DPP6: variants seen among roughly 807,000 people sequenced by gnomAD.
DPP6 encodes dipeptidyl peptidase like 6.
A neutral mutation model predicts 122.6 loss-of-function variants in DPP6; 69 were observed. That is an observed-to-expected ratio of 0.56 (90% CI 0.46 to 0.69). The LOEUF is 0.69. DPP6 is among the 30% of genes least tolerant of loss of function. The pLI is 0.00. For missense variants in DPP6, 928 were observed against 1,116.9 expected (o/e 0.83, Z 2.41); for synonymous variants, 418 against 433.1 (o/e 0.97, Z 0.43).
At chr7:153,818,849 G>T in the DPP6 span, among the ~76,000 whole-genome samples, 3 of 151,634 alleles carry the variant, frequency 2.0e-5, no homozygotes, top group African/African-American at 2.4e-5. Flanking sequence ...CCTCCCGGGT[G>T]CAAGCGATTC....
intron 1 of DPP6, among the ~76,000 whole-genome samples, chr7:154,110,526 C>G (rs1806498725): frequency 6.6e-6 from 1 of 152,184 alleles, no homozygotes; most frequent in Non-Finnish European, 1.5e-5. Context: ...GAGAAAAACA[C>G]AGACACATCA....
chr7:153,783,806 A>C, the DPP6 span, among the ~76,000 whole-genome samples: 1 of 152,220 alleles, frequency 6.6e-6, no homozygotes, highest in Non-Finnish European at 1.5e-5. Context: ...ATAAGCACCA[A>C]GAGAAGTGGA....
intron 1 of DPP6, among the ~76,000 whole-genome samples, chr7:153,975,583 A>G (rs1485428390): frequency 6.8e-6 from 1 of 146,768 alleles, no homozygotes; most frequent in Non-Finnish European, 1.5e-5. Context: ...TGAGAGTTCT[A>G]TTTTTTTTTT....
chr7:154,789,805 T>C lies in DPP6; in HGVS notation c.1137-4274T>C, dbSNP rs188065249. On this transcript the variant is annotated intron_variant, in intron 10 of 25. Transcript: ENST00000377770. ...AAGCGTCGCTGCCTCGCAAGGTGCC[T>C]ACCTTGTCCCCAGAAAGCTGCTAGA... Among the ~76,000 whole-genome samples the C allele has an allele frequency of 2.5e-3, 379 of 152,358 alleles. 3 individuals are homozygous for C. The highest frequency in any genetic ancestry group is 8.8e-3 in the African/African-American group (365 of 41,588).
rs146906146 is a variant in DPP6, at chr7:154,456,305, C to G, written c.358+9977C>G. 2.5e-3 allele frequency among the ~76,000 whole-genome samples: 385 copies of G among 152,276 alleles called. 4 individuals are homozygous for G. The highest frequency in any genetic ancestry group is 8.6e-3 in the African/African-American group (357 of 41,566). ...TCTCAGATTGCTACTTCATAATCCT[C>G]AAATCCCAGATATTCTAAATTGACT... is the stretch of plus-strand genomic sequence containing the variant. On this transcript the variant is annotated intron_variant, in intron 2 of 25. Coordinates refer to ENST00000377770, the MANE Select transcript of DPP6 (RefSeq NM_130797.4).
intron 17 of DPP6, among the ~76,000 whole-genome samples, chr7:154,857,421 T>TA (rs1172491276): frequency 6.6e-6 from 1 of 152,104 alleles, no homozygotes; most frequent in Non-Finnish European, 1.5e-5. Flanking sequence ...ACCTGGGAAA[T>TA]AAGAGTGAGT....
chr7:153,907,661 A>G (rs1484782585), intron 1 of DPP6, among the ~76,000 whole-genome samples: 7 of 152,170 alleles, frequency 4.6e-5, no homozygotes, highest in African/African-American at 1.7e-4. Context: ...AGGTCTGGAT[A>G]GAACAAGAGG....
intron 1 of DPP6, among the ~76,000 whole-genome samples, chr7:154,444,008 C>A (rs1266278186): frequency 6.6e-6 from 1 of 152,142 alleles, no homozygotes; most frequent in Non-Finnish European, 1.5e-5. Flanking sequence ...CAGTTCAACT[C>A]CTGCAAGTTA....
At chr7:154,440,093 T>A (rs529231007) in intron 1 of DPP6, among the ~76,000 whole-genome samples, 1 of 152,280 alleles carries the variant, frequency 6.6e-6, no homozygotes, top group South Asian at 2.1e-4. Context: ...TGATGTATAA[T>A]TAATTGCCAG....
intron 5 of DPP6, among the ~76,000 whole-genome samples, chr7:154,612,818 T>A (rs1027139110): frequency 2.0e-5 from 3 of 152,248 alleles, no homozygotes; most frequent in Admixed American, 1.3e-4. Flanking sequence ...TTTCATTATC[T>A]TGTATTTTAG....
At chr7:154,209,185 A>C (rs1417854390) in intron 1 of DPP6, among the ~76,000 whole-genome samples, 1 of 152,130 alleles carries the variant, frequency 6.6e-6, no homozygotes, top group Non-Finnish European at 1.5e-5. Flanking sequence ...GAACTATTAG[A>C]CTTCCCTTAG....
chr7:154,077,026 G>A (rs1017786993), intron 1 of DPP6, among the ~76,000 whole-genome samples: 11 of 152,190 alleles, frequency 7.2e-5, no homozygotes, highest in African/African-American at 2.7e-4. Flanking sequence ...TGCTATAATT[G>A]TGAAGCATAT....
the DPP6 span, among the ~76,000 whole-genome samples, chr7:153,834,165 T>C: frequency 6.6e-6 from 1 of 151,880 alleles, no homozygotes; most frequent in Admixed American, 6.6e-5. Flanking sequence ...TGGGCGCCTG[T>C]AGTCCCAGCT....
At chr7:154,082,394 AAACACTG>A (rs1312024616) in intron 1 of DPP6, among the ~76,000 whole-genome samples, 1 of 152,202 alleles carries the variant, frequency 6.6e-6, no homozygotes, top group Non-Finnish European at 1.5e-5. Flanking sequence ...ATCCAGGGTC[AAACACTG>A]AACTTATGGA....
At chr7:154,871,948 C>G (rs886345762) in intron 18 of DPP6, among the ~76,000 whole-genome samples, 4 of 152,244 alleles carry the variant, frequency 2.6e-5, no homozygotes, top group African/African-American at 4.8e-5. Flanking sequence ...TTCCTACCCA[C>G]TCTCCCTCAC....
the DPP6 span, among the ~76,000 whole-genome samples, chr7:153,790,467 C>T: frequency 4.6e-5 from 7 of 152,098 alleles, no homozygotes; most frequent in East Asian, 1.4e-3. Context: ...AATAAGATCC[C>T]CGAGTTTCCT....
At chr7:154,278,304 G>T (rs1804269931) in intron 1 of DPP6, among the ~76,000 whole-genome samples, 1 of 152,210 alleles carries the variant, frequency 6.6e-6, no homozygotes, top group Non-Finnish European at 1.5e-5. Flanking sequence ...CTGAGGAACA[G>T]TTTTCACACT....
intron 1 of DPP6, among the ~76,000 whole-genome samples, chr7:153,931,306 T>C (rs1291574228): frequency 2.6e-5 from 4 of 152,152 alleles, no homozygotes; most frequent in African/African-American, 9.7e-5. Context: ...ATGGAGGTGC[T>C]TCAAAGATTT....
In DPP6 at chr7:154,282,536, C is replaced by A. The variant is rs1804589360; in HGVS notation, c.244-163678C>A. On this transcript the variant is annotated intron_variant, in intron 1 of 25. Transcript: ENST00000377770. The surrounding 1 kb of genome is among the most constrained non-coding windows in gnomAD (Gnocchi z 4.8). ...GACACGCTGTATCCTGGGCACAGGT[C>A]TTCTGTTAGACTCAATGGTGGGAAG... Among the ~76,000 whole-genome samples the A allele has an allele frequency of 6.6e-6, 1 of 152,166 alleles. No individual in the cohort carries two copies. Among genetic ancestry groups the A allele is most frequent in the Admixed American group, 6.5e-5 (1 of 15,286 alleles).
Sources: allele counts gnomAD v4.1 joint callset (sites outside exome capture counted in the v4.1 genomes callset), GRCh38; gene constraint gnomAD v4.1.1; non-coding constraint Gnocchi (gnomAD v3.1); transcripts MANE v1.5; gene names NCBI Gene and HGNC (gene_info 2026-07-23, HGNC 2026-07-21).